TLL2: variants seen among roughly 807,000 people sequenced by gnomAD.
TLL2 encodes tolloid like 2, also known as tolloid-like protein 2.
A neutral mutation model predicts 123.0 loss-of-function variants in TLL2; 106 were observed. The observed-to-expected ratio is 0.86, with a 90% CI of 0.74 to 1.01. The LOEUF is 1.01. Ranked by LOEUF, TLL2 falls within the 50% of genes least tolerant of loss-of-function variation. The pLI is 0.00. For synonymous variants in TLL2, 494 were observed against 516.8 expected (o/e 0.96, Z 0.60); for missense variants, 1,332 against 1,336.7 (o/e 1.00, Z 0.06).
chr10:96,374,971 G>C (rs985853088), intron 18 of TLL2, among the ~76,000 whole-genome samples: 3 of 144,564 alleles, frequency 2.1e-5, no homozygotes, highest in Non-Finnish European at 3.1e-5. Flanking sequence ...CGGGGGGGGG[G>C]GGGGGGTGTC....
chr10:96,430,178 T>C (rs1011025298), intron 4 of TLL2, among the ~76,000 whole-genome samples: 1 of 152,208 alleles, frequency 6.6e-6, no homozygotes, highest in Non-Finnish European at 1.5e-5. Context: ...GTTTGGGTCA[T>C]GGGGATGGGT....
At chr10:96,473,994 G>A (rs1324940744) in intron 2 of TLL2, among the ~76,000 whole-genome samples, 4 of 152,130 alleles carry the variant, frequency 2.6e-5, no homozygotes, top group Non-Finnish European at 4.4e-5. Flanking sequence ...GTGTATGCGC[G>A]CCTGTGTGTG....
At chr10:96,439,883 T>A (rs978310506) in intron 3 of TLL2, among the ~76,000 whole-genome samples, 1 of 152,218 alleles carries the variant, frequency 6.6e-6, no homozygotes, top group Non-Finnish European at 1.5e-5. Context: ...TATGTTTTTT[T>A]AAAAATCTCC....
At chr10:96,375,935 T>A (rs941806695) in intron 18 of TLL2, among the ~76,000 whole-genome samples, 12 of 152,206 alleles carry the variant, frequency 7.9e-5, no homozygotes, top group African/African-American at 2.9e-4. Context: ...CAAAAGGGGT[T>A]CTTTATTCTC....
chr10:96,447,875 G>A (rs1281730686), intron 2 of TLL2, among the ~76,000 whole-genome samples: 1 of 152,128 alleles, frequency 6.6e-6, no homozygotes, highest in East Asian at 1.9e-4. Context: ...GCCCATCAGG[G>A]AAGCTAAGGG....
chr10:96,379,330 TGCC>T (rs1846165963), intron 16 of TLL2, among the ~76,000 whole-genome samples: 1 of 152,214 alleles, frequency 6.6e-6, no homozygotes, highest in South Asian at 2.1e-4. Context: ...GTATGTTCTC[TGCC>T]CCTGCTCCCT....
At chr10:96,450,970 C>T (rs1846953478) in intron 2 of TLL2, among the ~76,000 whole-genome samples, 1 of 152,200 alleles carries the variant, frequency 6.6e-6, no homozygotes, top group Admixed American at 6.5e-5. Context: ...ATTCAGACGT[C>T]TCCTTTGCAT....
intron 7 of TLL2, among the ~76,000 whole-genome samples, chr10:96,417,409 G>A (rs1402577331): frequency 6.6e-6 from 1 of 152,212 alleles, no homozygotes; most frequent in Non-Finnish European, 1.5e-5. Context: ...TGGGGCAGAG[G>A]TGACAAGGCA....
chr10:96,415,743 C>CTG (rs1846552182), intron 7 of TLL2, among the ~76,000 whole-genome samples: 1 of 85,876 alleles, frequency 1.2e-5, no homozygotes, highest in Non-Finnish European at 2.3e-5. Context: ...CTCTCTGTCT[C>CTG]TCTCTCTCTC....
At chr10:96,513,133 G>A (rs1488423082) in intron 1 of TLL2, among the ~76,000 whole-genome samples, 1 of 152,222 alleles carries the variant, frequency 6.6e-6, no homozygotes, top group African/African-American at 2.4e-5. Context: ...GAGCCTCGGA[G>A]CGCCGCGCCC....
intron 2 of TLL2, among the ~76,000 whole-genome samples, chr10:96,450,208 C>G (rs186845351): frequency 1.3e-5 from 2 of 151,480 alleles, no homozygotes; most frequent in African/African-American, 2.4e-5. Flanking sequence ...GATGGACATA[C>G]GAGTCACGTA....
chr10:96,415,354 T>G (rs1277146971), intron 7 of TLL2, among the ~76,000 whole-genome samples: 1 of 152,148 alleles, frequency 6.6e-6, no homozygotes, highest in Non-Finnish European at 1.5e-5. Flanking sequence ...CAAAACCCCA[T>G]CAGATGTCTT....
Position 96,409,927 on chromosome 10 carries a change from G to C in TLL2, c.1164+432C>G, listed in dbSNP as rs562511773. ...TGTTTGCAAAAGAGGAGTGTAAGAT[G>C]CTTAGGGAAGTGGGCTGGGGTGTCA... On this transcript the variant is annotated intron_variant, in intron 9 of 20. Coordinates refer to ENST00000357947, the MANE Select transcript of TLL2 (RefSeq NM_012465.4). 1.4e-3 allele frequency among the ~76,000 whole-genome samples: 207 copies of C among 152,340 alleles called. 1 individual carries two copies. Among genetic ancestry groups the C allele is most frequent in the Non-Finnish European group, 1.8e-3 (121 of 68,036 alleles).
chr10:96,404,546 T>C (rs1846430403), intron 10 of TLL2, among the ~76,000 whole-genome samples: 3 of 152,208 alleles, frequency 2.0e-5, no homozygotes, highest in Admixed American at 2.0e-4. Context: ...GTCTTCTAGT[T>C]AATTCAGCCT....
chr10:96,374,558 T>C (rs1360287958), intron 18 of TLL2: 1 of 152,296 alleles, frequency 6.6e-6, no homozygotes, highest in African/African-American at 2.4e-5. Context: ...TTTTCTCTCT[T>C]ACTTCTGGTG....
At chr10:96,500,331 A>G (rs1475554740) in intron 1 of TLL2, among the ~76,000 whole-genome samples, 1 of 152,048 alleles carries the variant, frequency 6.6e-6, no homozygotes, top group Non-Finnish European at 1.5e-5. Flanking sequence ...ACAAAAACAA[A>G]AAACAAACAA....
chr10:96,364,881 C>A lies in TLL2; in HGVS notation c.*3207G>T, dbSNP rs1215067400. On this transcript the variant is annotated 3_prime_UTR_variant, in exon 21 of 21. Coordinates refer to ENST00000357947, the MANE Select transcript of TLL2 (RefSeq NM_012465.4). Reference sequence around the variant, plus strand: ...GGAACATTTGTTCACAAATGGAACGCTAACAATACCAATCTGAAAGCTATC... The same window carrying A: ...GGAACATTTGTTCACAAATGGAACGATAACAATACCAATCTGAAAGCTATC... 1.3e-5 allele frequency: 2 copies of A among 152,214 alleles called. No homozygotes were observed. Among genetic ancestry groups the A allele is most frequent in the Non-Finnish European group, 2.9e-5 (2 of 68,026 alleles). The allele number at this position is 152,214 out of a possible 1,614,324, so 9.4% of individuals were successfully genotyped here. A position where few individuals can be genotyped will look rare whatever the true frequency, so the allele number is the denominator to read the frequency against.
intron 1 of TLL2, among the ~76,000 whole-genome samples, chr10:96,512,912 A>G (rs1439534091): frequency 1.3e-5 from 2 of 152,190 alleles, no homozygotes; most frequent in Non-Finnish European, 2.9e-5. Flanking sequence ...GCCGGCTTCC[A>G]TCTCCGCCCG....
At chr10:96,459,618 C>G (rs1847053149) in intron 2 of TLL2, among the ~76,000 whole-genome samples, 1 of 124,160 alleles carries the variant, frequency 8.1e-6, no homozygotes, top group Admixed American at 1.0e-4. Flanking sequence ...TGCAGTCAAC[C>G]AAAATTGTGC....
Sources: gnomAD v4.1 joint callset for allele counts (sites outside exome capture counted in the v4.1 genomes callset) on GRCh38, gnomAD v4.1.1 for gene constraint, MANE v1.5 for transcripts, NCBI Gene and HGNC (gene_info 2026-07-23, HGNC 2026-07-21) for gene names.